The following IL1R1 variants were observed in gnomAD, a reference collection of about 807,000 sequenced individuals.
The protein encoded by IL1R1 is interleukin 1 receptor type 1, also known as interleukin-1 receptor type 1.
A neutral mutation model predicts 50.2 loss-of-function variants in IL1R1; 22 were observed. The ratio of observed to expected loss-of-function variants is 0.44; its 90% CI spans 0.31 to 0.63. The LOEUF (loss-of-function observed/expected upper bound fraction) is 0.63. Ranked by LOEUF, IL1R1 falls within the 20% of genes least tolerant of loss-of-function variation. IL1R1 has a pLI of 0.07. For missense variants in IL1R1, 509 were observed against 676.2 expected (o/e 0.75, Z 2.74); for synonymous variants, 251 against 236.7 (o/e 1.06, Z -0.55).
intron 6 of IL1R1, among the ~76,000 whole-genome samples, chr2:102,167,853 C>T (rs1685334811): frequency 6.6e-6 from 1 of 152,084 alleles, no homozygotes; most frequent in Non-Finnish European, 1.5e-5. Context: ...TTTCCAAGGC[C>T]CACACCAATG....
chr2:102,117,619 A>C (rs569479655), intron 1 of IL1R1, among the ~76,000 whole-genome samples: 6 of 152,166 alleles, frequency 3.9e-5, no homozygotes, highest in Non-Finnish European at 5.9e-5. Context: ...AATGTATTCC[A>C]ATGAATCCCA....
chr2:102,076,186 T>G (rs1678949188), intron 1 of IL1R1, among the ~76,000 whole-genome samples: 1 of 151,680 alleles, frequency 6.6e-6, no homozygotes, highest in Non-Finnish European at 1.5e-5. Flanking sequence ...TATTCTTTTT[T>G]TTTTTTTTTG....
chr2:102,110,187 G>A (rs1680669426), intron 1 of IL1R1, among the ~76,000 whole-genome samples: 1 of 152,104 alleles, frequency 6.6e-6, no homozygotes, highest in African/African-American at 2.4e-5. Flanking sequence ...TGCACTCATA[G>A]TGTGCACCAT....
intron 3 of IL1R1, among the ~76,000 whole-genome samples, chr2:102,161,173 T>A (rs1684694768): frequency 6.6e-6 from 1 of 152,230 alleles, no homozygotes; most frequent in African/African-American, 2.4e-5. Flanking sequence ...TACTTTATAT[T>A]CTTTTTGATT....
chr2:102,139,815 C>T (rs1682542570), upstream of IL1R1, among the ~76,000 whole-genome samples: 1 of 152,214 alleles, frequency 6.6e-6, no homozygotes, highest in Non-Finnish European at 1.5e-5. Context: ...GATGGCAGTG[C>T]CATGCTTCCT....
chr2:102,114,174 GAT>G (rs961023623), intron 1 of IL1R1, among the ~76,000 whole-genome samples: 1 of 152,148 alleles, frequency 6.6e-6, no homozygotes, highest in African/African-American at 2.4e-5. Flanking sequence ...TTTTAAAAGA[GAT>G]ATGATTACTG....
intron 1 of IL1R1, among the ~76,000 whole-genome samples, chr2:102,136,317 C>A (rs868606896): frequency 1.3e-5 from 2 of 151,670 alleles, no homozygotes; most frequent in Non-Finnish European, 2.9e-5. Flanking sequence ...CCCCTGGGCC[C>A]GAGGCAGAGA....
At chr2:102,168,240 CA>C (rs1245334094) in intron 6 of IL1R1, among the ~76,000 whole-genome samples, 2 of 152,174 alleles carry the variant, frequency 1.3e-5, no homozygotes, top group African/African-American at 4.8e-5. Flanking sequence ...CCCTTCTGGC[CA>C]ATAACACCCA....
Position 102,176,481 on chromosome 2 carries a change from C to G in IL1R1, c.1432C>G (p.Leu478Val). Residue 478 changes from leucine to valine, a missense_variant, in exon 12 of 12, where the codon CTT becomes GTT. Coordinates refer to ENST00000410023, the MANE Select transcript of IL1R1 (RefSeq NM_000877.4). The part of the protein sequence containing the change: ...SEEQIAMYNA[L>V]VQDGIKVVLL... ...AGAGCAAATAGCCATGTATAATGCT[C>G]TTGTTCAGGATGGAATTAAAGTTGT... 2 of 1,614,204 alleles carry G rather than the reference C, an allele frequency of 1.2e-6. No homozygotes were observed. Among genetic ancestry groups the G allele is most frequent in the East Asian group, 2.2e-5 (1 of 44,880 alleles).
chr2:102,150,285 G>T (rs948853745), intron 1 of IL1R1, among the ~76,000 whole-genome samples: 1 of 152,134 alleles, frequency 6.6e-6, no homozygotes, highest in East Asian at 1.9e-4. Flanking sequence ...CACTTTTCCC[G>T]TGCGTGCACT....
rs955934187 is a variant in IL1R1 at position 102,078,358 on chromosome 2, A to G, written c.-84+7825A>G. On this transcript the variant is annotated intron_variant, in intron 1 of 11. Transcript: ENST00000409929. The stretch of plus-strand genomic sequence containing the variant: ...ATTGAAAGATGACTCAAATAACTAA[A>G]ATCAGGAATTAAAGAGGGGACCTTA... Among the ~76,000 whole-genome samples the G allele has an allele frequency of 7.2e-5, 11 of 152,158 alleles. No individual in the cohort carries two copies. In the South Asian group the frequency reaches 2.3e-3, roughly 32 times the overall value.
chr2:102,084,480 T>C (rs1359099095), intron 1 of IL1R1, among the ~76,000 whole-genome samples: 2 of 152,186 alleles, frequency 1.3e-5, no homozygotes, highest in African/African-American at 2.4e-5. Flanking sequence ...TATCGCCCCG[T>C]ACAAAGTTAA....
intron 1 of IL1R1, among the ~76,000 whole-genome samples, chr2:102,106,462 C>T (rs997541438): frequency 1.3e-5 from 2 of 152,096 alleles, no homozygotes; most frequent in African/African-American, 4.8e-5. Flanking sequence ...ACTGACAAAC[C>T]CCGTTGAGCA....
chr2:102,145,393 G>A (rs901354701), intron 1 of IL1R1, among the ~76,000 whole-genome samples: 2 of 152,200 alleles, frequency 1.3e-5, no homozygotes, highest in African/African-American at 2.4e-5. Context: ...AGTGCAGGGA[G>A]CATGTGGGAA....
chr2:102,140,983 T>G (rs995297148), upstream of IL1R1, among the ~76,000 whole-genome samples: 5 of 152,172 alleles, frequency 3.3e-5, no homozygotes, highest in African/African-American at 1.2e-4. Context: ...AATTACGGAT[T>G]TTATTTCTAC....
chr2:102,110,293 T>C (rs575102290), intron 1 of IL1R1, among the ~76,000 whole-genome samples: 20 of 152,330 alleles, frequency 1.3e-4, no homozygotes, highest in African/African-American at 4.6e-4. Flanking sequence ...TTTCAGGCAA[T>C]GTTGCGACCA....
intron 11 of IL1R1, 130 bp downstream of exon 11, chr2:102,175,775 T>C (rs1311115711): frequency 1.9e-5 from 15 of 785,422 alleles, no homozygotes; most frequent in Non-Finnish European, 2.9e-5. Flanking sequence ...TCTTCAGAAG[T>C]GTATGATGAT....
intron 1 of IL1R1, among the ~76,000 whole-genome samples, chr2:102,076,169 T>A (rs932243093): frequency 1.5e-5 from 2 of 130,270 alleles, no homozygotes; most frequent in African/African-American, 5.8e-5. Context: ...CCATTTCTAT[T>A]GCTTCGTATT....
intron 1 of IL1R1, among the ~76,000 whole-genome samples, chr2:102,132,067 C>T (rs895035458): frequency 6.6e-6 from 1 of 151,786 alleles, no homozygotes; most frequent in Non-Finnish European, 1.5e-5. Flanking sequence ...AAAAAATTGT[C>T]AACCAAGAAT....
Sources: allele counts gnomAD v4.1 joint callset (sites outside exome capture counted in the v4.1 genomes callset), GRCh38; gene constraint gnomAD v4.1.1; transcripts MANE v1.5; gene names NCBI Gene and HGNC (gene_info 2026-07-23, HGNC 2026-07-21).